Variants in PLPPR1 observed in about 807,000 individuals in gnomAD.
The protein encoded by PLPPR1 is phospholipid phosphatase related 1.
PLPPR1 carries 10 observed loss-of-function variants against 33.1 expected under a neutral mutation model. The observed-to-expected ratio is 0.30, with a 90% CI of 0.19 to 0.51. PLPPR1 has a LOEUF of 0.51. Among genes scored for constraint, PLPPR1 ranks in the 20% least tolerant of loss-of-function variants. The pLI, the probability that PLPPR1 is intolerant of heterozygous loss-of-function variation, is 0.97. For synonymous variants in PLPPR1, 151 were observed against 151.0 expected, an observed-to-expected ratio of 1.00 and a Z score of 0.00; for missense variants, 304 against 408.1, an observed-to-expected ratio of 0.74 and a Z score of 2.20.
chr9:101,192,107 T>C (rs1323971495), intron 2 of PLPPR1, among the ~76,000 whole-genome samples: 1 of 152,236 alleles, frequency 6.6e-6, no homozygotes, highest in Non-Finnish European at 1.5e-5. Flanking sequence ...TCATCACTTT[T>C]GGACATTGAA....
intron 1 of PLPPR1, among the ~76,000 whole-genome samples, chr9:101,030,492 A>C (rs1386096142): frequency 6.6e-6 from 1 of 151,786 alleles, no homozygotes; most frequent in African/African-American, 2.4e-5. Context: ...AACATTTAGC[A>C]TACTTACAAA....
intron 1 of PLPPR1, among the ~76,000 whole-genome samples, chr9:101,040,162 T>C (rs527785892): frequency 1.3e-5 from 2 of 152,272 alleles, no homozygotes; most frequent in South Asian, 4.1e-4. Flanking sequence ...TGCAAATACT[T>C]GGGAATTGGT....
At chr9:101,053,086 A>G (rs781379432) in intron 1 of PLPPR1, among the ~76,000 whole-genome samples, 32 of 152,206 alleles carry the variant, frequency 2.1e-4, no homozygotes, top group Admixed American at 3.3e-4. Context: ...CCAGATTCAC[A>G]TGTTAAATAG....
chr9:101,031,017 T>C (rs1383070775), intron 1 of PLPPR1, among the ~76,000 whole-genome samples: 1 of 152,124 alleles, frequency 6.6e-6, no homozygotes, highest in African/African-American at 2.4e-5. Flanking sequence ...CTTTTATGAT[T>C]TTAAAGGTAT....
At chr9:101,087,460 A>G (rs1830692879) in intron 1 of PLPPR1, among the ~76,000 whole-genome samples, 1 of 152,214 alleles carries the variant, frequency 6.6e-6, no homozygotes, top group African/African-American at 2.4e-5. Context: ...AGAACGAGAG[A>G]TGTAAAAATT....
chr9:101,145,035 G>A (rs898943923), intron 1 of PLPPR1, among the ~76,000 whole-genome samples: 3 of 152,008 alleles, frequency 2.0e-5, no homozygotes, highest in African/African-American at 7.3e-5. Context: ...TCTGTGCCTG[G>A]CTTATTTCAG....
chr9:101,266,154 C>T (rs188392997), intron 2 of PLPPR1, among the ~76,000 whole-genome samples: 118 of 151,872 alleles, frequency 7.8e-4, no homozygotes, highest in Non-Finnish European at 1.5e-3. Flanking sequence ...AGGCCGGGCG[C>T]GGTGGCTCAC....
At chr9:101,132,199 T>A (rs1831321658) in intron 1 of PLPPR1, among the ~76,000 whole-genome samples, 1 of 152,170 alleles carries the variant, frequency 6.6e-6, no homozygotes, top group Non-Finnish European at 1.5e-5. Flanking sequence ...ATTTCACTGT[T>A]GTTCAATGTT....
Position 101,154,415 on chromosome 9 carries a change from G to A in PLPPR1, c.-45-31035G>A, listed in dbSNP as rs995927354. Among the ~76,000 whole-genome samples, 7 of 152,194 alleles carry A rather than the reference G, an allele frequency of 4.6e-5. No individual in the cohort carries two copies. The South Asian group carries it at 6.2e-4, about 14-fold the overall frequency. ...TGTTATTGGTCTTTTCAGGGATTCA[G>A]CTTCTTCCTGGTTTAGTCTTGGGAG... is the stretch of plus-strand genomic sequence containing the variant. On this transcript the variant is annotated intron_variant, in intron 1 of 7. Coordinates refer to ENST00000374874, the MANE Select transcript of PLPPR1 (RefSeq NM_207299.2).
chr9:101,308,250 G>A (rs983304735), intron 4 of PLPPR1, among the ~76,000 whole-genome samples: 4 of 152,186 alleles, frequency 2.6e-5, no homozygotes, highest in Admixed American at 2.0e-4. Flanking sequence ...TAAGAGACAG[G>A]CAGGAGGCTC....
chr9:101,230,701 C>T (rs1827164205), intron 2 of PLPPR1, among the ~76,000 whole-genome samples: 1 of 151,984 alleles, frequency 6.6e-6, no homozygotes, highest in Non-Finnish European at 1.5e-5. Flanking sequence ...TCTCTCACAC[C>T]TCTCTCAACT....
intron 1 of PLPPR1, among the ~76,000 whole-genome samples, chr9:101,064,057 A>G (rs1830377839): frequency 1.3e-5 from 2 of 152,130 alleles, no homozygotes; most frequent in South Asian, 2.1e-4. Flanking sequence ...CTAAAACACC[A>G]TTACCATTAA....
At chr9:101,297,409 T>C (rs941242692) in intron 4 of PLPPR1, among the ~76,000 whole-genome samples, 1 of 152,154 alleles carries the variant, frequency 6.6e-6, no homozygotes, top group Non-Finnish European at 1.5e-5. Flanking sequence ...AATTAAGTTT[T>C]AAATGAGACA....
At chr9:101,270,630 A>G (rs1035092610) in intron 3 of PLPPR1, among the ~76,000 whole-genome samples, 1 of 152,114 alleles carries the variant, frequency 6.6e-6, no homozygotes, top group Non-Finnish European at 1.5e-5. Flanking sequence ...TTACCTTCAT[A>G]TATTTCATTT....
intron 2 of PLPPR1, among the ~76,000 whole-genome samples, chr9:101,190,627 G>T (rs1231345729): frequency 6.6e-6 from 1 of 152,124 alleles, no homozygotes; most frequent in African/African-American, 2.4e-5. Context: ...ATTCAAAGTT[G>T]CTGATGACTG....
chr9:101,159,971 C>T (rs1831751736), intron 1 of PLPPR1, among the ~76,000 whole-genome samples: 1 of 152,062 alleles, frequency 6.6e-6, no homozygotes, highest in Admixed American at 6.6e-5. Flanking sequence ...CATGATGGTG[C>T]TAGAACAAAA....
intron 1 of PLPPR1, among the ~76,000 whole-genome samples, chr9:101,118,659 A>C (rs1480755854): frequency 6.6e-6 from 1 of 152,178 alleles, no homozygotes; most frequent in Admixed American, 6.5e-5. Flanking sequence ...AGGGGTTTCT[A>C]TTTGAGCCTG....
chr9:101,311,561 G>A (rs1342538166), intron 5 of PLPPR1, among the ~76,000 whole-genome samples: 2 of 152,136 alleles, frequency 1.3e-5, no homozygotes, highest in Non-Finnish European at 2.9e-5. Context: ...TGCAGCATAG[G>A]TTTTAAGTAA....
At chr9:101,093,480 A>G (rs1237266332) in intron 1 of PLPPR1, among the ~76,000 whole-genome samples, 2 of 152,234 alleles carry the variant, frequency 1.3e-5, no homozygotes, top group Non-Finnish European at 2.9e-5. Context: ...CATGGGAGCT[A>G]TAACAGAGCT....
Sources: gnomAD v4.1 joint callset for allele counts (sites outside exome capture counted in the v4.1 genomes callset) on GRCh38, gnomAD v4.1.1 for gene constraint, MANE v1.5 for transcripts, NCBI Gene and HGNC (gene_info 2026-07-23, HGNC 2026-07-21) for gene names.